The following QRICH2 variants were observed in gnomAD, a reference collection of about 807,000 sequenced individuals.
QRICH2 encodes the protein glutamine rich 2.
Under a neutral mutation model 168.3 loss-of-function variants are expected in QRICH2, and 119 were observed. The ratio of observed to expected loss-of-function variants is 0.71; its 90% CI spans 0.61 to 0.82. QRICH2 has a LOEUF of 0.82. QRICH2 is among the 40% of genes least tolerant of loss of function. The probability of loss-of-function intolerance (pLI) is 0.00; values close to 1 mark genes in which losing one functional copy is unlikely to be tolerated. For synonymous variants in QRICH2, 894 were observed against 951.2 expected, an observed-to-expected ratio of 0.94 and a Z score of 1.11; for missense variants, 2,241 against 2,491.6, an observed-to-expected ratio of 0.90 and a Z score of 2.14.
At position 76,281,016 on chromosome 17, in the gene QRICH2, A is replaced by G. The variant is rs2070780138; in HGVS notation, c.4264-63T>C. The G allele has an allele frequency of 1.9e-6, 3 of 1,572,128 alleles. No homozygotes were observed. Among genetic ancestry groups the G allele is most frequent in the Non-Finnish European group, 2.6e-6 (3 of 1,164,926 alleles). The stretch of plus-strand genomic sequence containing the variant: ...TGGCGCGATCCCACCCCCTGCTGCC[A>G]TAATATTGCTGCCCCAGGTAAGTTG... On this transcript the variant is annotated intron_variant, in intron 8 of 18. Transcript: ENST00000680821. The surrounding 1 kb of genome is among the most constrained non-coding windows in gnomAD (Gnocchi z 4.4).
chr17:76,279,004 C>G (rs762155211), intron 14 of QRICH2, 37 bp downstream of exon 14: 2 of 1,547,312 alleles, frequency 1.3e-6, no homozygotes, highest in Non-Finnish European at 1.8e-6. Context: ...GCCCTGGCCC[C>G]GGACCCATAT....
chr17:76,308,625 A>G, upstream of QRICH2: 1 of 360,142 alleles, frequency 2.8e-6, no homozygotes, highest in South Asian at 1.1e-4. Context: ...GACAGTCCAC[A>G]TATTTTGTTC....
At position 76,289,980 on chromosome 17, in the gene QRICH2, A is replaced by C. The variant is rs368762133; in HGVS notation, c.3798+12T>G. 6.4e-7 allele frequency: 1 copy of C among 1,569,278 alleles called. No individual in the cohort carries two copies. On this transcript the variant is annotated intron_variant, in intron 5 of 18. Coordinates refer to ENST00000680821, the MANE Select transcript of QRICH2 (RefSeq NM_001388453.1). ...AAAAAAAAAAAGACAAAGTGGGTTG[A>C]CTCTTCCTTACTTTTGCTTTCTCCT... is the stretch of plus-strand genomic sequence containing the variant.
intron 3 of QRICH2, among the ~76,000 whole-genome samples, chr17:76,294,552 C>T (rs767907741): frequency 9.2e-5 from 14 of 152,064 alleles, no homozygotes; most frequent in Non-Finnish European, 1.8e-4. Context: ...GTGGCTTATG[C>T]TTATAGTCCC....
intron 15 of QRICH2, 152 bp from the exon 16 acceptor site, chr17:76,277,462 GC>G: frequency 1.1e-6 from 1 of 924,496 alleles, no homozygotes; most frequent in South Asian, 1.5e-5. Flanking sequence ...GAACAGGCGG[GC>G]GGGGGTAGAG....
At chr17:76,282,192 C>A in intron 7 of QRICH2, 77 bp from the exon 8 acceptor site, 1 of 1,498,724 alleles carries the variant, frequency 6.7e-7, no homozygotes. Flanking sequence ...GGCACTGCCC[C>A]TAGCCTGTGT....
upstream of QRICH2, chr17:76,308,418 T>C (rs2071024216): frequency 1.0e-6 from 1 of 985,292 alleles, no homozygotes; most frequent in Non-Finnish European, 1.2e-6. Flanking sequence ...CCTCCTAAGA[T>C]CCAGCTAGAC....
rs1411668734 is a variant in QRICH2 at position 76,307,359 on chromosome 17, G to A, written c.534+106C>T. The stretch of plus-strand genomic sequence containing the variant: ...CACCTCCTCGGTCCCCATCCCCTCC[G>A]TCCCCACCACCGCTCACCCCTCCAG... On this transcript the variant is annotated intron_variant, in intron 1 of 18. Transcript: ENST00000680821. The surrounding 1 kb of genome is among the most constrained non-coding windows in gnomAD (Gnocchi z 5.3). 40 of 1,239,410 alleles carry A rather than the reference G, an allele frequency of 3.2e-5. No homozygotes were observed. The highest frequency in any genetic ancestry group is 4.3e-5 in the Non-Finnish European group (37 of 858,154). The allele number at this position is 1,239,410 out of a possible 1,614,324, so 76.8% of individuals were successfully genotyped here.
rs2070768494 is a variant in QRICH2, at chr17:76,280,567, C to T, written c.4461+87G>A. 1.3e-6 allele frequency: 2 copies of T among 1,597,230 alleles called. No individual in the cohort carries two copies. The highest frequency in any genetic ancestry group is 1.3e-5 in the African/African-American group (1 of 74,618). The stretch of plus-strand genomic sequence containing the variant: ...GGTTTCTGAGAGCCCACACTCGTCT[C>T]GCCAGCTCCCCTCCACTCAGTCTCT... On this transcript the variant is annotated intron_variant, in intron 10 of 18. Coordinates refer to ENST00000680821, the MANE Select transcript of QRICH2 (RefSeq NM_001388453.1). This position sits in a 1 kb window ranked among gnomAD's most constrained non-coding sequence, Gnocchi z 7.4.
In QRICH2 at chr17:76,292,443, C is replaced by A. The variant is rs778168908; in HGVS notation, c.2284G>T (p.Val762Phe). 36 of 1,567,776 alleles carry A rather than the reference C, an allele frequency of 2.3e-5. No homozygotes were observed. The South Asian group carries it at 4.1e-4, about 18-fold the overall frequency. Residue 762 changes from valine to phenylalanine, a missense_variant, in exon 4 of 19, where the codon GTC becomes TTC. Val to Phe is a conservative substitution (Grantham distance 50, BLOSUM62 -1). Around this residue, in one of 3 missense-constraint regions of QRICH2, gnomAD observed 2,047 missense variants for 2,303.8 expected, o/e 0.89. Transcript: ENST00000680821. ...CCATGCTGATCTGCACCAGGTTGGA[C>A]CAAACCACGCTGATCTGCACCAGGT... is the stretch of plus-strand genomic sequence containing the variant. The part of the protein sequence containing the change: ...VPPGADQRGL[V>F]QPGADQHGLV...
At chr17:76,310,471 G>GT (rs35037723), upstream of QRICH2, 15,335 of 145,628 alleles carry the variant, frequency 0.11, 939 homozygotes, top group South Asian at 0.17. Flanking sequence ...TCCCTGGCCT[G>GT]TTTTTTTTTT....
chr17:76,287,092 T>A, intron 7 of QRICH2, 100 bp downstream of exon 7: 1 of 516,806 alleles, frequency 1.9e-6, no homozygotes, highest in Non-Finnish European at 3.6e-6. Context: ...ACACACATGA[T>A]GGGAGGGACC....
chr17:76,308,425 A>G (rs1037855998), upstream of QRICH2: 32 of 985,272 alleles, frequency 3.2e-5, no homozygotes, highest in Non-Finnish European at 3.7e-5. Flanking sequence ...AGATCCAGCT[A>G]GACTCCATCC....
At chr17:76,284,299 T>G (rs1443908503) in intron 7 of QRICH2, among the ~76,000 whole-genome samples, 1 of 142,194 alleles carries the variant, frequency 7.0e-6, no homozygotes, top group East Asian at 1.9e-4. Context: ...AGACAATCCT[T>G]AGTGAGAAAA....
chr17:76,303,758 A>T (rs1057008845), intron 3 of QRICH2, among the ~76,000 whole-genome samples: 1 of 151,488 alleles, frequency 6.6e-6, no homozygotes, highest in African/African-American at 2.4e-5. Context: ...CTGTAGTCCC[A>T]GCTACTCTGG....
At position 76,275,849 on chromosome 17, in the gene QRICH2, T is replaced by G. The variant is rs779767734; in HGVS notation, c.5452A>C (p.Ser1818Arg). The G allele has an allele frequency of 6.2e-7, 1 of 1,607,436 alleles. No homozygotes were observed. The highest frequency in any genetic ancestry group is 2.2e-5 in the East Asian group (1 of 44,854). ...GTGTTGCCAGCCGAAATCTGGGCGC[T>G]CTGTGGCCGAGAGGGCAGCTGGCCA... The part of the protein sequence containing the change: ...SNGQLPSRPQ[S>R]AQISAGNTSV... Residue 1818 changes from serine (S) to arginine (R), a missense_variant, in exon 18 of 19, where the codon AGC becomes CGC. Coordinates refer to ENST00000680821, the MANE Select transcript of QRICH2 (RefSeq NM_001388453.1).
chr17:76,279,390 C>G lies in QRICH2; in HGVS notation c.4787G>C (p.Arg1596Pro), dbSNP rs746192148. 2.5e-5 allele frequency: 41 copies of G among 1,612,890 alleles called. No homozygotes were observed. Among genetic ancestry groups the G allele is most frequent in the Non-Finnish European group, 3.5e-5 (41 of 1,179,548 alleles). The stretch of plus-strand genomic sequence containing the variant: ...TCCAGTCACAGGTGTCTCCAAGGGC[C>G]GGTCACATGAGAGGCAGTGGAAATG... ...LAHFHCLSCDRPLETPVTGHA... is the reference protein window; with the variant it reads ...LAHFHCLSCDPPLETPVTGHA... Residue 1596 changes from arginine to proline, a missense_variant, in exon 13 of 19, where the codon CGG becomes CCG. Coordinates refer to ENST00000680821, the MANE Select transcript of QRICH2 (RefSeq NM_001388453.1).
At chr17:76,300,880 C>T (rs1273919856) in intron 3 of QRICH2, among the ~76,000 whole-genome samples, 1 of 151,994 alleles carries the variant, frequency 6.6e-6, no homozygotes, top group Non-Finnish European at 1.5e-5. Context: ...GGTGAAACCC[C>T]ATCTTTACTA....
intron 7 of QRICH2, among the ~76,000 whole-genome samples, 172 bp downstream of exon 7, chr17:76,287,020 C>G (rs1435147349): frequency 7.0e-6 from 1 of 143,882 alleles, no homozygotes; most frequent in African/African-American, 2.6e-5. Flanking sequence ...ACCGCCCCCC[C>G]ACCCCCTGCC....
Sources: allele counts gnomAD v4.1 joint callset (sites outside exome capture counted in the v4.1 genomes callset), GRCh38; gene constraint gnomAD v4.1.1; regional missense constraint gnomAD v4.1.1; non-coding constraint Gnocchi (gnomAD v3.1); transcripts MANE v1.5; gene names NCBI Gene and HGNC (gene_info 2026-07-23, HGNC 2026-07-21).